Variants in SMYD4 observed in about 807,000 individuals in gnomAD.
The protein encoded by SMYD4 is protein-lysine N-methyltransferase SMYD4.
Under a neutral mutation model 72.8 loss-of-function variants are expected in SMYD4, and 68 were observed. The ratio of observed to expected loss-of-function variants is 0.93; its 90% CI spans 0.77 to 1.14. SMYD4 has a LOEUF of 1.14. Ranked by LOEUF, SMYD4 falls within the 50% of genes most tolerant of loss-of-function variation. The pLI is 0.00. For synonymous variants in SMYD4, 407 were observed against 388.6 expected (o/e 1.05, Z -0.56); for missense variants, 984 against 1,003.7 (o/e 0.98, Z 0.27).
At chr17:1,819,173 A>G (rs1910775034) in intron 2 of SMYD4, among the ~76,000 whole-genome samples, 1 of 151,828 alleles carries the variant, frequency 6.6e-6, no homozygotes, top group African/African-American at 2.4e-5. Flanking sequence ...CCTGGGCAAC[A>G]TGGTGAAACC....
intron 5 of SMYD4, among the ~76,000 whole-genome samples, chr17:1,793,733 C>T (rs1352229808): frequency 6.6e-6 from 1 of 151,810 alleles, no homozygotes; most frequent in Non-Finnish European, 1.5e-5. Flanking sequence ...CAGCCTTCCC[C>T]AGAGGCTCTG....
intron 4 of SMYD4, among the ~76,000 whole-genome samples, chr17:1,802,864 A>G (rs1389065290): frequency 6.6e-6 from 1 of 152,226 alleles, no homozygotes; most frequent in African/African-American, 2.4e-5. Flanking sequence ...TAAAAACTCA[A>G]CTGACACGGC....
At chr17:1,818,844 C>T (rs1910760607) in intron 2 of SMYD4, among the ~76,000 whole-genome samples, 1 of 151,892 alleles carries the variant, frequency 6.6e-6, no homozygotes. Flanking sequence ...GATGGGGTCT[C>T]GCTATGTTGC....
intron 2 of SMYD4, among the ~76,000 whole-genome samples, chr17:1,815,504 CTT>C (rs35091572): frequency 0.015 from 2,014 of 133,556 alleles, 44 homozygotes; most frequent in African/African-American, 0.044. Flanking sequence ...CCAGCCGATT[CTT>C]TTTTTTTTTT....
At chr17:1,828,043 G>A (rs1334427543) in intron 1 of SMYD4, 37 bp from the exon 2 acceptor site, 1 of 1,578,370 alleles carries the variant, frequency 6.3e-7, no homozygotes, top group Non-Finnish European at 8.7e-7. Context: ...TCTTACAAAT[G>A]CACAATTTTA....
rs1246737101 is a variant in SMYD4, at chr17:1,779,780, G to T, written c.*1506C>A. 6.6e-6 allele frequency: 1 copy of T among 152,620 alleles called. No individual in the cohort carries two copies. Among genetic ancestry groups the T allele is most frequent in the Non-Finnish European group, 1.5e-5 (1 of 68,046 alleles). The allele number at this position is 152,620 out of a possible 1,614,324, so 9.5% of individuals were successfully genotyped here. ...AGCTAGATACTGTAAGTGGAACGGT[G>T]TGTCTCTGGAGGTAAGCAGGCTTGC... On this transcript the variant is annotated 3_prime_UTR_variant, in exon 11 of 11. Coordinates refer to ENST00000305513, the MANE Select transcript of SMYD4 (RefSeq NM_052928.3).
intron 5 of SMYD4, among the ~76,000 whole-genome samples, chr17:1,792,127 C>G (rs111356918): frequency 0.022 from 3,401 of 151,968 alleles, 49 homozygotes; most frequent in Non-Finnish European, 0.034. Context: ...AGTGCAAGCT[C>G]CGCCTCCTGG....
intron 5 of SMYD4, among the ~76,000 whole-genome samples, chr17:1,797,069 A>T (rs1909445314): frequency 6.6e-6 from 1 of 152,160 alleles, no homozygotes; most frequent in Admixed American, 6.5e-5. Flanking sequence ...TGGCCAAAAC[A>T]TGTCTACTGA....
chr17:1,796,595 C>A (rs932543125), intron 5 of SMYD4, among the ~76,000 whole-genome samples: 2 of 151,956 alleles, frequency 1.3e-5, no homozygotes, highest in Admixed American at 1.3e-4. Context: ...CGCTGCCATG[C>A]CCAGCTAATT....
chr17:1,802,029 AT>A (rs1909792842), intron 4 of SMYD4, among the ~76,000 whole-genome samples: 1 of 152,114 alleles, frequency 6.6e-6, no homozygotes, highest in African/African-American at 2.4e-5. Context: ...TACTAGCCAC[AT>A]GACCTTGTGC....
Position 1,783,028 on chromosome 17 carries a change from G to T in SMYD4, c.2261+7C>A. 1.2e-6 allele frequency: 2 copies of T among 1,613,710 alleles called. No homozygotes were observed. The highest frequency in any genetic ancestry group is 1.7e-6 in the Non-Finnish European group (2 of 1,179,908). On this transcript the variant is annotated splice_region_variant and intron_variant, in intron 10 of 10. Transcript: ENST00000305513. Reference sequence around the variant, plus strand: ...TGTGTGCCCTGTGAAGTGGGAAAGGGACTCACCCGTTGAAAAAGATCTGGG... The same window carrying T: ...TGTGTGCCCTGTGAAGTGGGAAAGGTACTCACCCGTTGAAAAAGATCTGGG...
At chr17:1,809,536 A>T (rs1316810623) in intron 3 of SMYD4, among the ~76,000 whole-genome samples, 1 of 137,490 alleles carries the variant, frequency 7.3e-6, no homozygotes, top group Admixed American at 7.4e-5. Context: ...CACCACGCCC[A>T]GCTAATTTTT....
At chr17:1,811,701 C>T (rs1201718668) in intron 3 of SMYD4, among the ~76,000 whole-genome samples, 4 of 152,074 alleles carry the variant, frequency 2.6e-5, no homozygotes, top group South Asian at 4.2e-4. Flanking sequence ...CTGAGGCGGG[C>T]GCAACACCTG....
In SMYD4 at chr17:1,787,607, G is replaced by A. The variant is rs752650885; in HGVS notation, c.1538-3C>T. The A allele has an allele frequency of 6.3e-6, 10 of 1,576,580 alleles. No homozygotes were observed. Among genetic ancestry groups the A allele is most frequent in the Middle Eastern group, 3.4e-4 (2 of 5,840 alleles). On this transcript the variant is annotated splice_region_variant and splice_polypyrimidine_tract_variant and intron_variant, in intron 5 of 10. Coordinates refer to ENST00000305513, the MANE Select transcript of SMYD4 (RefSeq NM_052928.3). ...GGTAACGATGCTCCCTTTAGGTCCTGAAAGGGCAAGAGGAAAGAAGGAAAA... is the reference window on the plus strand; with the variant it reads ...GGTAACGATGCTCCCTTTAGGTCCTAAAAGGGCAAGAGGAAAGAAGGAAAA...
At chr17:1,810,749 G>A (rs190859312) in intron 3 of SMYD4, among the ~76,000 whole-genome samples, 1 of 152,220 alleles carries the variant, frequency 6.6e-6, no homozygotes, top group African/African-American at 2.4e-5. Context: ...CAAGACCCTA[G>A]CAGGCAGACA....
rs1567783157 is a variant in SMYD4 at position 1,812,073 on chromosome 17, G to C, written c.177C>G (p.Tyr59Ter). Residue 59 changes from tyrosine to a stop codon, truncating the protein, a stop_gained, in exon 3 of 11, where the codon TAC becomes TAG. Transcript: ENST00000305513. LOFTEE classifies it high-confidence loss of function. ...ELFLKRLSKG[Y>*]LVGKDSDAPL... Reference sequence around the variant, plus strand: ...GAGCGTCCGAGTCCTTTCCCACCAAGTAACCTTTAGAAAGTCTTTTTAGAA... The same window carrying C: ...GAGCGTCCGAGTCCTTTCCCACCAACTAACCTTTAGAAAGTCTTTTTAGAA... 2 of 1,614,022 alleles carry C rather than the reference G, an allele frequency of 1.2e-6. No individual in the cohort carries two copies. The highest frequency in any genetic ancestry group is 2.2e-5 in the South Asian group (2 of 91,070).
chr17:1,800,907 T>A lies in SMYD4; in HGVS notation c.487A>T (p.Ser163Cys). The A allele has an allele frequency of 6.2e-7, 1 of 1,614,198 alleles. No individual in the cohort carries two copies. Among genetic ancestry groups the A allele is most frequent in the Non-Finnish European group, 8.5e-7 (1 of 1,180,040 alleles). ...CTTTCAAGATCACTGATGGTCTGGC[T>A]TGCCTCCTGCAGTCTCCCCAGGGCC... ...LVALGRLQEA[S>C]QTISDLERNF... Residue 163 changes from serine (S) to cysteine (C), a missense_variant, in exon 5 of 11, where the codon AGC (serine) becomes TGC (cysteine). Transcript: ENST00000305513.
intron 5 of SMYD4, among the ~76,000 whole-genome samples, chr17:1,790,901 T>G (rs1341425080): frequency 6.1e-5 from 9 of 147,510 alleles, no homozygotes; most frequent in Non-Finnish European, 3.0e-5. Flanking sequence ...CCCAGGCGGG[T>G]GGATCACGAG....
chr17:1,818,249 T>C (rs1340833180), intron 2 of SMYD4, among the ~76,000 whole-genome samples: 1 of 152,134 alleles, frequency 6.6e-6, no homozygotes, highest in East Asian at 1.9e-4. Flanking sequence ...ATGTAAAGCC[T>C]TTCATGGAGC....
Sources: gnomAD v4.1 joint callset for allele counts (sites outside exome capture counted in the v4.1 genomes callset) on GRCh38, gnomAD v4.1.1 for gene constraint, MANE v1.5 for transcripts, NCBI Gene and HGNC (gene_info 2026-07-23, HGNC 2026-07-21) for gene names.